Variants in MICU3 observed in about 807,000 individuals in gnomAD.
MICU3 encodes calcium uptake protein 3, mitochondrial.
Under a neutral mutation model 66.5 loss-of-function variants are expected in MICU3, and 62 were observed. The ratio of observed to expected loss-of-function variants is 0.93; its 90% CI spans 0.76 to 1.15. The LOEUF (loss-of-function observed/expected upper bound fraction) is 1.15. Ranked by LOEUF, MICU3 falls within the 50% of genes most tolerant of loss-of-function variation. The pLI is 0.00. For synonymous variants in MICU3, 308 were observed against 240.7 expected (o/e 1.28, Z -2.59); for missense variants, 779 against 664.4 (o/e 1.17, Z -1.90).
At chr8:17,037,011 G>T (rs1297928302) in intron 1 of MICU3, among the ~76,000 whole-genome samples, 1 of 152,198 alleles carries the variant, frequency 6.6e-6, no homozygotes, top group Non-Finnish European at 1.5e-5. Context: ...GCGCCCGTGG[G>T]CTGGCACTGC....
chr8:17,083,700 C>A (rs1268964275), intron 5 of MICU3, among the ~76,000 whole-genome samples: 1 of 151,944 alleles, frequency 6.6e-6, no homozygotes, highest in Non-Finnish European at 1.5e-5. Context: ...ATAGGGCTAC[C>A]TGAGGTTGAT....
intron 9 of MICU3, among the ~76,000 whole-genome samples, chr8:17,099,015 T>C (rs1423126481): frequency 6.6e-6 from 1 of 151,644 alleles, no homozygotes; most frequent in Non-Finnish European, 1.5e-5. Context: ...GAGGAATATT[T>C]TACCTTGACA....
intron 1 of MICU3, among the ~76,000 whole-genome samples, chr8:17,031,968 G>C (rs1321894523): frequency 6.6e-6 from 1 of 152,158 alleles, no homozygotes; most frequent in Non-Finnish European, 1.5e-5. Context: ...CTTAAGGAGA[G>C]GCACTGTGTT....
chr8:17,042,838 C>CTGTAAGTAT (rs1156427212), intron 1 of MICU3, among the ~76,000 whole-genome samples: 1 of 151,088 alleles, frequency 6.6e-6, no homozygotes, highest in Non-Finnish European at 1.5e-5. Flanking sequence ...CCAGTTGACA[C>CTGTAAGTAT]TGTAAGTATT....
At chr8:17,130,512 C>CA in the MICU3 span, among the ~76,000 whole-genome samples, 149 of 128,380 alleles carry the variant, frequency 1.2e-3, 1 homozygote, top group African/African-American at 1.8e-3. Flanking sequence ...GACTCTGTCT[C>CA]AAAAAAAAAA....
At chr8:17,135,114 C>T in the MICU3 span, among the ~76,000 whole-genome samples, 205 of 152,192 alleles carry the variant, frequency 1.3e-3, 1 homozygote, top group Non-Finnish European at 2.4e-3. Flanking sequence ...TAAGAATGGA[C>T]ATTTGGCCAG....
At chr8:17,043,264 C>T (rs1169376802) in intron 1 of MICU3, among the ~76,000 whole-genome samples, 1 of 152,060 alleles carries the variant, frequency 6.6e-6, no homozygotes, top group African/African-American at 2.4e-5. Context: ...TAACTGGTTT[C>T]ACATCAGATC....
intron 11 of MICU3, among the ~76,000 whole-genome samples, chr8:17,110,028 A>G (rs1050722204): frequency 1.8e-4 from 27 of 152,178 alleles, no homozygotes; most frequent in African/African-American, 6.0e-4. Context: ...TATACTTGCC[A>G]TTTACATCAG....
intron 1 of MICU3, among the ~76,000 whole-genome samples, chr8:17,035,307 A>T (rs926331408): frequency 6.6e-6 from 1 of 152,228 alleles, no homozygotes; most frequent in African/African-American, 2.4e-5. Context: ...TGTTGTAAAG[A>T]TAACCAAAAA....
intron 1 of MICU3, among the ~76,000 whole-genome samples, chr8:17,058,714 A>G (rs1171575902): frequency 1.3e-5 from 2 of 152,220 alleles, no homozygotes; most frequent in African/African-American, 4.8e-5. Context: ...TAGATCGAGT[A>G]TACTCAGCAG....
the MICU3 span, chr8:17,131,526 A>T: frequency 6.5e-6 from 1 of 152,738 alleles, no homozygotes; most frequent in Non-Finnish European, 1.5e-5. Context: ...GGAGCCCAGC[A>T]TGCCTGCAGG....
At chr8:17,089,501 T>C (rs1195390316) in intron 7 of MICU3, among the ~76,000 whole-genome samples, 1 of 152,142 alleles carries the variant, frequency 6.6e-6, no homozygotes, top group Non-Finnish European at 1.5e-5. Flanking sequence ...GACAATATGA[T>C]TCCACATATT....
intron 3 of MICU3, among the ~76,000 whole-genome samples, chr8:17,072,896 A>T: frequency 6.6e-6 from 1 of 151,918 alleles, no homozygotes; most frequent in African/African-American, 2.4e-5. Context: ...TTACTTTTTA[A>T]TTTTTTTTGA....
chr8:17,096,469 C>T (rs969173599), intron 8 of MICU3, among the ~76,000 whole-genome samples: 3 of 151,782 alleles, frequency 2.0e-5, no homozygotes, highest in African/African-American at 7.3e-5. Flanking sequence ...AAAACTGTCT[C>T]CAGAACAGTT....
At chr8:17,028,315 T>A (rs1311909434) in intron 1 of MICU3, among the ~76,000 whole-genome samples, 1 of 152,130 alleles carries the variant, frequency 6.6e-6, no homozygotes, top group East Asian at 1.9e-4. Flanking sequence ...ATGGATAGGA[T>A]AGCAAATGTA....
At chr8:17,074,008 C>T (rs1306383568) in intron 3 of MICU3, among the ~76,000 whole-genome samples, 16 of 151,586 alleles carry the variant, frequency 1.1e-4, no homozygotes, top group Admixed American at 1.1e-3. Flanking sequence ...GTTTTATTCA[C>T]TGTCATTCTC....
the MICU3 span, among the ~76,000 whole-genome samples, chr8:17,136,630 C>T: frequency 6.6e-6 from 1 of 152,056 alleles, no homozygotes; most frequent in Non-Finnish European, 1.5e-5. Flanking sequence ...CCAAGGGCCT[C>T]ACCCTCCCCA....
intron 1 of MICU3, among the ~76,000 whole-genome samples, chr8:17,048,138 C>T (rs560050392): frequency 3.8e-4 from 58 of 151,998 alleles, no homozygotes; most frequent in African/African-American, 1.3e-3. Flanking sequence ...ATATATGTTT[C>T]GATGTTCGAA....
chr8:17,106,751 T>C (rs1801777958), intron 11 of MICU3, among the ~76,000 whole-genome samples: 1 of 151,944 alleles, frequency 6.6e-6, no homozygotes, highest in Admixed American at 6.6e-5. Context: ...TTTTCTACAT[T>C]ACCTCATCAA....
Sources: gnomAD v4.1 joint callset for allele counts (sites outside exome capture counted in the v4.1 genomes callset) on GRCh38, gnomAD v4.1.1 for gene constraint, MANE v1.5 for transcripts, NCBI Gene and HGNC (gene_info 2026-07-23, HGNC 2026-07-21) for gene names.